Variants in DPH6 observed in about 807,000 individuals in gnomAD.
The protein encoded by DPH6 is diphthine--ammonia ligase.
In DPH6, 33 loss-of-function variants were observed where a neutral mutation model predicts 38.2. That is an observed-to-expected ratio of 0.86 (90% CI 0.65 to 1.15). The LOEUF (loss-of-function observed/expected upper bound fraction) is 1.15. Among genes scored for constraint, DPH6 ranks in the 50% most tolerant of loss-of-function variants. DPH6 has a pLI of 0.00. For synonymous variants in DPH6, 108 were observed against 103.0 expected, an observed-to-expected ratio of 1.05 and a Z score of -0.30; for missense variants, 325 against 320.0, an observed-to-expected ratio of 1.02 and a Z score of -0.12.
intron 3 of DPH6, among the ~76,000 whole-genome samples, chr15:35,455,103 C>A (rs1025505883): frequency 1.3e-5 from 2 of 152,140 alleles, no homozygotes; most frequent in African/African-American, 4.8e-5. Flanking sequence ...ATGTTTCACA[C>A]TTAACGTATT....
intron 3 of DPH6, among the ~76,000 whole-genome samples, chr15:35,361,504 T>C (rs2052613906): frequency 7.3e-6 from 1 of 136,608 alleles, no homozygotes; most frequent in Non-Finnish European, 1.5e-5. Context: ...ATTCTTTAAA[T>C]AACCTCTCTT....
At chr15:35,352,297 T>A (rs1434821687) in intron 3 of DPH6, among the ~76,000 whole-genome samples, 3 of 152,312 alleles carry the variant, frequency 2.0e-5, no homozygotes, top group Non-Finnish European at 4.4e-5. Flanking sequence ...TTTTTTATTA[T>A]ACTTTAAGTT....
chr15:35,412,538 T>C (rs980835495), intron 5 of DPH6, among the ~76,000 whole-genome samples: 3 of 151,780 alleles, frequency 2.0e-5, no homozygotes, highest in East Asian at 1.9e-4. Flanking sequence ...TGGATATTTA[T>C]AGCAGTTTTA....
intron 3 of DPH6, chr15:35,237,355 G>A: frequency 3.1e-6 from 5 of 1,596,606 alleles, no homozygotes; most frequent in South Asian, 2.2e-5. Flanking sequence ...TTCATTTAGA[G>A]CTGCGGAACA....
At chr15:35,154,659 G>A in the DPH6 span, among the ~76,000 whole-genome samples, 1 of 152,160 alleles carries the variant, frequency 6.6e-6, no homozygotes, top group African/African-American at 2.4e-5. Flanking sequence ...CTTTTAAATA[G>A]TGCTGTAGTT....
chr15:35,329,492 C>A (rs907381492), downstream of DPH6, among the ~76,000 whole-genome samples: 4 of 152,070 alleles, frequency 2.6e-5, no homozygotes, highest in Admixed American at 2.6e-4. Flanking sequence ...AATTCCTTGA[C>A]AAAATTTATC....
At chr15:35,307,844 T>C (rs1479767064) in intron 3 of DPH6, among the ~76,000 whole-genome samples, 2 of 152,188 alleles carry the variant, frequency 1.3e-5, no homozygotes, top group East Asian at 3.9e-4. Flanking sequence ...TATCTGGTAA[T>C]GCAGATGGAG....
intron 6 of DPH6, chr15:35,400,814 A>G (rs2053207272): frequency 9.2e-6 from 7 of 762,838 alleles, no homozygotes; most frequent in Non-Finnish European, 2.4e-6. Flanking sequence ...ATGCTCACGG[A>G]CTGTGTGATA....
At chr15:35,539,451 T>C (rs2055219529) in intron 2 of DPH6, among the ~76,000 whole-genome samples, 1 of 151,978 alleles carries the variant, frequency 6.6e-6, no homozygotes, top group Non-Finnish European at 1.5e-5. Context: ...AAGATGGGGA[T>C]AAAAAGTGTT....
chr15:35,175,411 G>C, the DPH6 span, among the ~76,000 whole-genome samples: 1 of 152,156 alleles, frequency 6.6e-6, no homozygotes, highest in East Asian at 1.9e-4. Flanking sequence ...TGACCCTCGT[G>C]AGCTGTTTAC....
intron 3 of DPH6, among the ~76,000 whole-genome samples, chr15:35,331,525 A>G (rs535137599): frequency 6.6e-6 from 1 of 152,332 alleles, no homozygotes; most frequent in Admixed American, 6.5e-5. Context: ...AAGTTATTGG[A>G]AGATTTAATT....
At chr15:35,492,459 A>C (rs960602718) in intron 3 of DPH6, among the ~76,000 whole-genome samples, 2 of 152,186 alleles carry the variant, frequency 1.3e-5, no homozygotes, top group African/African-American at 4.8e-5. Context: ...ATATCATATA[A>C]GTGCTAGAAG....
intron 3 of DPH6, among the ~76,000 whole-genome samples, chr15:35,230,735 C>T (rs947366575): frequency 6.6e-6 from 1 of 152,140 alleles, no homozygotes; most frequent in Non-Finnish European, 1.5e-5. Flanking sequence ...TGAATCCTGC[C>T]AGGACTGAGC....
At chr15:35,358,886 GA>G (rs2052590366) in intron 3 of DPH6, among the ~76,000 whole-genome samples, 1 of 152,160 alleles carries the variant, frequency 6.6e-6, no homozygotes, top group Non-Finnish European at 1.5e-5. Flanking sequence ...GCACTTTCCA[GA>G]GAGCATCAGC....
At chr15:35,367,103 A>G (rs1189959907), downstream of DPH6, among the ~76,000 whole-genome samples, 2 of 151,876 alleles carry the variant, frequency 1.3e-5, no homozygotes, top group Non-Finnish European at 2.9e-5. Context: ...ACAACTTTTA[A>G]AAGTGTGTGC....
In DPH6 at chr15:35,354,500, A is replaced by G. The variant is rs531003601; in HGVS notation, n.207+19021T>C. Reference sequence around the variant, plus strand: ...GAGTTTTTAGCATGAAGCGTTGTTGAATTTTGTCAAAGGCTTTTTCTGCAT... The same window carrying G: ...GAGTTTTTAGCATGAAGCGTTGTTGGATTTTGTCAAAGGCTTTTTCTGCAT... On this transcript the variant is annotated intron_variant and non_coding_transcript_variant, in intron 3 of 3. Transcript: ENST00000558973. Among the ~76,000 whole-genome samples the G allele has an allele frequency of 2.8e-4, 43 of 152,256 alleles. No homozygotes were observed. In the South Asian group the frequency reaches 8.7e-3, roughly 31 times the overall value.
At chr15:35,155,844 T>A in the DPH6 span, among the ~76,000 whole-genome samples, 1 of 152,222 alleles carries the variant, frequency 6.6e-6, no homozygotes, top group Admixed American at 6.5e-5. Flanking sequence ...TCACATTGTA[T>A]TTCTTATAAA....
intron 3 of DPH6, among the ~76,000 whole-genome samples, chr15:35,335,988 C>T (rs1566873123): frequency 6.6e-6 from 1 of 152,280 alleles, no homozygotes; most frequent in East Asian, 1.9e-4. Flanking sequence ...ATGACCAGTT[C>T]ATGATATTGA....
chr15:35,302,528 A>T (rs1595468219), intron 3 of DPH6, among the ~76,000 whole-genome samples: 1 of 152,232 alleles, frequency 6.6e-6, no homozygotes, highest in Non-Finnish European at 1.5e-5. Context: ...TTATGAAAAA[A>T]TCCATAAAAT....
Sources: allele counts gnomAD v4.1 joint callset (sites outside exome capture counted in the v4.1 genomes callset), GRCh38; gene constraint gnomAD v4.1.1; transcripts MANE v1.5; gene names NCBI Gene and HGNC (gene_info 2026-07-23, HGNC 2026-07-21).